SATB2: variants seen among roughly 807,000 people sequenced by gnomAD.
SATB2 encodes the protein DNA-binding protein SATB2.
Under a neutral mutation model 73.4 loss-of-function variants are expected in SATB2, and 1 was observed. That is an observed-to-expected ratio of 0.01 (90% confidence interval 0.00 to 0.06). SATB2 has a LOEUF of 0.06. Among genes scored for constraint, SATB2 ranks in the 10% least tolerant of loss-of-function variants. The pLI, the probability that SATB2 is intolerant of heterozygous loss-of-function variation, is 1.00. For missense variants in SATB2, 459 were observed against 945.8 expected, an observed-to-expected ratio of 0.49 and a Z score of 6.75; for synonymous variants, 397 against 367.0, an observed-to-expected ratio of 1.08 and a Z score of -0.93.
At chr2:199,438,741 T>C (rs1302292778) in intron 2 of SATB2, among the ~76,000 whole-genome samples, 4 of 152,258 alleles carry the variant, frequency 2.6e-5, no homozygotes, top group Non-Finnish European at 4.4e-5. Flanking sequence ...AATAAACCCC[T>C]GCTTTGCACT....
rs141215071 is a variant in SATB2 at position 199,360,995 on chromosome 2, C to T, written c.700+7610G>A. ...TTCAGTGACACCTCACTCTCTCTAG[C>T]TGCATCTTCTTAACTCCTGGCCCTT... On this transcript the variant is annotated intron_variant, in intron 6 of 10. Coordinates refer to ENST00000417098, the MANE Select transcript of SATB2 (RefSeq NM_001172509.2). 3.2e-3 allele frequency among the ~76,000 whole-genome samples: 481 copies of T among 152,226 alleles called. 5 individuals are homozygous for T. The highest frequency in any genetic ancestry group is 0.011 in the African/African-American group (462 of 41,560).
intron 1 of SATB2, 133 bp from the exon 2 acceptor site, chr2:199,456,229 G>A (rs545041379): frequency 3.0e-6 from 2 of 674,400 alleles, no homozygotes; most frequent in East Asian, 2.7e-5. Context: ...CGCTGCCCGA[G>A]GGGCCCGAGC....
chr2:199,388,436 G>A (rs1377083856), intron 3 of SATB2, among the ~76,000 whole-genome samples: 1 of 152,170 alleles, frequency 6.6e-6, no homozygotes, highest in East Asian at 1.9e-4. Flanking sequence ...CAGGCTGCCT[G>A]TGAAGTACAT....
chr2:199,323,540 T>C (rs999298386), intron 9 of SATB2, among the ~76,000 whole-genome samples: 18 of 150,260 alleles, frequency 1.2e-4, no homozygotes, highest in African/African-American at 3.9e-4. Context: ...AAAGGGTACA[T>C]TGCAGTGTTT....
At chr2:199,289,340 G>C (rs1692781564) in intron 10 of SATB2, among the ~76,000 whole-genome samples, 1 of 152,140 alleles carries the variant, frequency 6.6e-6, no homozygotes, top group African/African-American at 2.4e-5. Flanking sequence ...GGGGTCCAAG[G>C]ATGGTCACTG....
chr2:199,410,813 T>C (rs970559612), intron 3 of SATB2, among the ~76,000 whole-genome samples: 1 of 152,212 alleles, frequency 6.6e-6, no homozygotes, highest in Non-Finnish European at 1.5e-5. Context: ...TTTCCTATTA[T>C]AACTAAGCAG....
At chr2:199,407,404 C>G (rs1160485518) in intron 3 of SATB2, among the ~76,000 whole-genome samples, 1 of 151,820 alleles carries the variant, frequency 6.6e-6, no homozygotes, top group Non-Finnish European at 1.5e-5. Flanking sequence ...AAAGTTATCT[C>G]ATAATCTTAA....
intron 6 of SATB2, among the ~76,000 whole-genome samples, chr2:199,350,158 G>A (rs1328677788): frequency 3.9e-5 from 6 of 152,050 alleles, no homozygotes; most frequent in Admixed American, 1.3e-4. Context: ...TACAAATTTA[G>A]AAATTATTTC....
At chr2:199,426,868 C>A (rs1246470222) in intron 3 of SATB2, among the ~76,000 whole-genome samples, 1 of 151,952 alleles carries the variant, frequency 6.6e-6, no homozygotes, top group Admixed American at 6.6e-5. Flanking sequence ...TATTTAGAGA[C>A]ATCTATCTAT....
chr2:199,294,212 C>G (rs1692957660), intron 10 of SATB2, among the ~76,000 whole-genome samples: 1 of 152,120 alleles, frequency 6.6e-6, no homozygotes, highest in African/African-American at 2.4e-5. Flanking sequence ...GTTACATGTT[C>G]ATATGGTATA....
chr2:199,308,963 G>C lies in SATB2; in HGVS notation c.1543-6C>G, dbSNP rs1328592029. On this transcript the variant is annotated splice_region_variant and splice_polypyrimidine_tract_variant and intron_variant, in intron 9 of 10. Transcript: ENST00000417098. This position sits in a 1 kb window ranked among gnomAD's most constrained non-coding sequence, Gnocchi z 4.6. The stretch of plus-strand genomic sequence containing the variant: ...AGCAGTTCACACAGCCAGCCCTGTA[G>C]AGAGAGGAGGTCGCTTGCATTAACC... 1 of 1,613,344 alleles carries C rather than the reference G, an allele frequency of 6.2e-7. No homozygotes were observed. The highest frequency in any genetic ancestry group is 1.7e-5 in the Admixed American group (1 of 59,954).
chr2:199,294,379 T>C (rs1692962265), intron 10 of SATB2, among the ~76,000 whole-genome samples: 1 of 152,218 alleles, frequency 6.6e-6, no homozygotes, highest in South Asian at 2.1e-4. Context: ...GTAGTTCTAA[T>C]ATGAAGATCT....
At chr2:199,372,501 G>A (rs909520852) in intron 5 of SATB2, among the ~76,000 whole-genome samples, 1 of 152,098 alleles carries the variant, frequency 6.6e-6, no homozygotes, top group Non-Finnish European at 1.5e-5. Context: ...GAGAATAGAT[G>A]TCACATATGA....
At chr2:199,323,476 T>TATACACACACACACAC (rs10653288) in intron 9 of SATB2, among the ~76,000 whole-genome samples, 23 of 142,846 alleles carry the variant, frequency 1.6e-4, no homozygotes, top group Admixed American at 7.8e-4. Flanking sequence ...GTTTTGTTCA[T>TATACACACACACACAC]ACACACACAC....
At chr2:199,410,589 A>G (rs370966035) in intron 3 of SATB2, among the ~76,000 whole-genome samples, 207 of 152,338 alleles carry the variant, frequency 1.4e-3, no homozygotes, top group African/African-American at 4.8e-3. Flanking sequence ...CCAATCTCCA[A>G]TCTTGAGGTG....
At chr2:199,302,137 G>T (rs1687304816) in intron 10 of SATB2, among the ~76,000 whole-genome samples, 1 of 152,112 alleles carries the variant, frequency 6.6e-6, no homozygotes, top group Non-Finnish European at 1.5e-5. Context: ...TTTTTAAATT[G>T]TACAGTGTCT....
chr2:199,348,938 G>A lies in SATB2; in HGVS notation c.936C>T (p.Ala312=), dbSNP rs777517300. The change falls in exon 7 of 11, where the codon GCC becomes GCT. Residue 312 remains alanine (A), a synonymous_variant. Coordinates refer to ENST00000417098, the MANE Select transcript of SATB2 (RefSeq NM_001172509.2). ...TCTGTTGGTTTATCAGATGGGCCATGGCTATTTGTTGCCTTACAAGTTGTG... is the reference window on the plus strand; with the variant it reads ...TCTGTTGGTTTATCAGATGGGCCATAGCTATTTGTTGCCTTACAAGTTGTG... The part of the protein sequence containing the change: ...LSPQLVRQQI[A]MAHLINQQIA... 6.2e-7 allele frequency: 1 copy of A among 1,614,112 alleles called. No homozygotes were observed. Among genetic ancestry groups the A allele is most frequent in the Non-Finnish European group, 8.5e-7 (1 of 1,180,002 alleles).
At position 199,308,752 on chromosome 2, in the gene SATB2, A is replaced by G. The variant is rs2105768843; in HGVS notation, c.1740+8T>C. The stretch of plus-strand genomic sequence containing the variant: ...ATCAGGTGGGGTACGGCGGTCGGGG[A>G]CACTGACCTGCACCGGCTCAGGGGG... On this transcript the variant is annotated splice_region_variant and intron_variant, in intron 10 of 10. Transcript: ENST00000417098. This position sits in a 1 kb window ranked among gnomAD's most constrained non-coding sequence, Gnocchi z 4.6. 2 of 1,613,244 alleles carry G rather than the reference A, an allele frequency of 1.2e-6. No individual in the cohort carries two copies. The highest frequency in any genetic ancestry group is 1.7e-6 in the Non-Finnish European group (2 of 1,179,344).
At chr2:199,444,265 C>A (rs887878433) in intron 2 of SATB2, among the ~76,000 whole-genome samples, 2 of 152,010 alleles carry the variant, frequency 1.3e-5, no homozygotes, top group Non-Finnish European at 2.9e-5. Context: ...TATCACCCAG[C>A]CAATGAAAGA....
Sources: gnomAD v4.1 joint callset for allele counts (sites outside exome capture counted in the v4.1 genomes callset) on GRCh38, gnomAD v4.1.1 for gene constraint, Gnocchi (gnomAD v3.1) non-coding constraint, MANE v1.5 for transcripts, NCBI Gene and HGNC (gene_info 2026-07-23, HGNC 2026-07-21) for gene names.